The following LUZP2 variants were observed in gnomAD, a reference collection of about 807,000 sequenced individuals.
LUZP2 encodes the protein leucine zipper protein 2.
A neutral mutation model predicts 51.6 loss-of-function variants in LUZP2; 52 were observed. The ratio of observed to expected loss-of-function variants is 1.01; its 90% confidence interval spans 0.81 to 1.27. The LOEUF (loss-of-function observed/expected upper bound fraction) is 1.27. Ranked by LOEUF, LUZP2 falls within the 50% of genes most tolerant of loss-of-function variation. The pLI is 0.00. For synonymous variants in LUZP2, 154 were observed against 137.3 expected, an observed-to-expected ratio of 1.12 and a Z score of -0.85; for missense variants, 436 against 395.4, an observed-to-expected ratio of 1.10 and a Z score of -0.87.
At chr11:24,766,029 G>A (rs190897958) in intron 5 of LUZP2, among the ~76,000 whole-genome samples, 4 of 152,180 alleles carry the variant, frequency 2.6e-5, no homozygotes, top group Admixed American at 2.0e-4. Context: ...CTAAAATGCT[G>A]GGATTACAGG....
intron 7 of LUZP2, among the ~76,000 whole-genome samples, chr11:24,914,815 A>C (rs553832655): frequency 6.6e-6 from 1 of 152,290 alleles, no homozygotes; most frequent in African/African-American, 2.4e-5. Context: ...TGAGCTGCAG[A>C]TATTAAGCTG....
intron 1 of LUZP2, among the ~76,000 whole-genome samples, chr11:24,666,387 A>T (rs2133992641): frequency 6.6e-6 from 1 of 152,324 alleles, no homozygotes; most frequent in East Asian, 1.9e-4. Flanking sequence ...AAAAAAAATG[A>T]AAATTGCCTG....
At chr11:25,006,010 C>T (rs1187328071) in intron 9 of LUZP2, among the ~76,000 whole-genome samples, 2 of 152,082 alleles carry the variant, frequency 1.3e-5, no homozygotes, top group African/African-American at 4.8e-5. Flanking sequence ...TGCCTTATGT[C>T]CTTACTTATA....
intron 5 of LUZP2, among the ~76,000 whole-genome samples, chr11:24,832,541 T>C (rs1850732609): frequency 7.0e-6 from 1 of 142,426 alleles, no homozygotes; most frequent in South Asian, 2.4e-4. Context: ...ATCCATTCTT[T>C]TGTCATTCTG....
chr11:24,795,761 A>T (rs1342517577), intron 5 of LUZP2, among the ~76,000 whole-genome samples: 1 of 152,042 alleles, frequency 6.6e-6, no homozygotes. Flanking sequence ...AAAACACAGA[A>T]CCCTAGTCTA....
intron 1 of LUZP2, among the ~76,000 whole-genome samples, chr11:24,668,115 G>A (rs1205133614): frequency 6.6e-6 from 1 of 152,198 alleles, no homozygotes; most frequent in Admixed American, 6.5e-5. Flanking sequence ...ATTGCATAGT[G>A]CAAAGTGAAA....
At chr11:25,043,901 T>C (rs1858160875) in intron 9 of LUZP2, among the ~76,000 whole-genome samples, 1 of 142,332 alleles carries the variant, frequency 7.0e-6, no homozygotes, top group African/African-American at 2.6e-5. Flanking sequence ...ACTATATATA[T>C]ATGTACTCTA....
In LUZP2 at chr11:24,942,417, G is replaced by A. The variant is rs118153759; in HGVS notation, c.522+27879G>A. The stretch of plus-strand genomic sequence containing the variant: ...GTCTTTCTAGTGCATGAGTAGTGAC[G>A]AGCGTATGGTTATAACCTACATTTC... On this transcript the variant is annotated intron_variant, in intron 7 of 11. Coordinates refer to ENST00000336930, the MANE Select transcript of LUZP2 (RefSeq NM_001009909.4). 7.8e-3 allele frequency among the ~76,000 whole-genome samples: 1,192 copies of A among 152,202 alleles called. 6 individuals carry two copies. Among genetic ancestry groups the A allele is most frequent in the African/African-American group, 0.01 (427 of 41,546 alleles).
chr11:24,963,042 G>T (rs1406504504), intron 7 of LUZP2, among the ~76,000 whole-genome samples: 1 of 152,194 alleles, frequency 6.6e-6, no homozygotes, highest in Non-Finnish European at 1.5e-5. Context: ...GACCCTGTTT[G>T]CCTGGGTATC....
chr11:25,081,730 C>G lies in LUZP2; in HGVS notation c.*3072C>G, dbSNP rs2134068614. ...ACCATCCTCATATAGAATAAAATAT[C>G]AACCTAAATCTTTACTATAGATAGT... is the stretch of plus-strand genomic sequence containing the variant. On this transcript the variant is annotated 3_prime_UTR_variant, in exon 12 of 12. Transcript: ENST00000336930. 1 of 152,176 alleles carries G rather than the reference C, an allele frequency of 6.6e-6. No individual in the cohort carries two copies. The highest frequency in any genetic ancestry group is 2.1e-4 in the South Asian group (1 of 4,822). 9.4% of individuals were successfully genotyped at this position (152,176 alleles called of 1,614,324 possible).
intron 1 of LUZP2, among the ~76,000 whole-genome samples, chr11:24,658,837 C>A (rs1190281630): frequency 6.6e-6 from 1 of 152,146 alleles, no homozygotes; most frequent in East Asian, 1.9e-4. Context: ...TCATCACTGG[C>A]CATCAGAGAA....
At chr11:24,564,446 A>AAGATAATG (rs1852151753) in intron 1 of LUZP2, among the ~76,000 whole-genome samples, 1 of 152,180 alleles carries the variant, frequency 6.6e-6, no homozygotes, top group African/African-American at 2.4e-5. Context: ...TTCCTCTTGA[A>AAGATAATG]CTATTAAGAT....
intron 9 of LUZP2, among the ~76,000 whole-genome samples, chr11:25,019,804 G>C (rs1413920883): frequency 6.6e-6 from 1 of 152,076 alleles, no homozygotes; most frequent in African/African-American, 2.4e-5. Flanking sequence ...TGAGGCTACT[G>C]TCAGAGGCAG....
chr11:24,505,992 C>T (rs886958912), intron 1 of LUZP2, among the ~76,000 whole-genome samples: 1 of 151,976 alleles, frequency 6.6e-6, no homozygotes, highest in Non-Finnish European at 1.5e-5. Flanking sequence ...TCAAGATTAC[C>T]TACAGGTGGC....
At chr11:25,042,341 A>C (rs906305409) in intron 9 of LUZP2, among the ~76,000 whole-genome samples, 1 of 152,156 alleles carries the variant, frequency 6.6e-6, no homozygotes, top group Admixed American at 6.6e-5. Flanking sequence ...ATTTAATTGA[A>C]GTTTTCATAA....
intron 1 of LUZP2, among the ~76,000 whole-genome samples, chr11:24,688,909 G>C (rs935123450): frequency 2.6e-5 from 4 of 152,066 alleles, no homozygotes; most frequent in African/African-American, 9.7e-5. Flanking sequence ...AGAAGATCTA[G>C]TTAAAGATCT....
intron 4 of LUZP2, 195 bp from the exon 5 acceptor site, chr11:24,763,050 AG>A: frequency 1.6e-6 from 1 of 609,508 alleles, no homozygotes; most frequent in Non-Finnish European, 2.1e-6. Flanking sequence ...AAATGAAAAA[AG>A]ATATTTTAAT....
intron 1 of LUZP2, among the ~76,000 whole-genome samples, chr11:24,516,942 C>A (rs1850485300): frequency 6.6e-6 from 1 of 152,060 alleles, no homozygotes; most frequent in South Asian, 2.1e-4. Context: ...AAGAAATAAA[C>A]TCTGTGATAC....
intron 1 of LUZP2, among the ~76,000 whole-genome samples, chr11:24,543,799 G>A (rs11027994): frequency 0.22 from 26,440 of 118,672 alleles, 3,163 homozygotes; most frequent in Middle Eastern, 0.46. Context: ...TCCAGCCTGG[G>A]TGACAGACTG....
Sources: gnomAD v4.1 joint callset for allele counts (sites outside exome capture counted in the v4.1 genomes callset) on GRCh38, gnomAD v4.1.1 for gene constraint, MANE v1.5 for transcripts, NCBI Gene and HGNC (gene_info 2026-07-23, HGNC 2026-07-21) for gene names.